ACADM: variants seen among roughly 807,000 people sequenced by gnomAD.
The protein encoded by ACADM is medium-chain specific acyl-CoA dehydrogenase, mitochondrial.
Under a neutral mutation model 58.9 loss-of-function variants are expected in ACADM, and 49 were observed. That is an observed-to-expected ratio of 0.83 (90% confidence interval 0.66 to 1.06). The LOEUF (loss-of-function observed/expected upper bound fraction) is 1.06, where lower values mean the gene tolerates loss of function less well. ACADM is among the 50% of genes least tolerant of loss of function. The pLI, the probability that ACADM is intolerant of heterozygous loss-of-function variation, is 0.00. For missense variants in ACADM, 496 were observed against 507.0 expected, an observed-to-expected ratio of 0.98 and a Z score of 0.21; for synonymous variants, 160 against 157.7, an observed-to-expected ratio of 1.01 and a Z score of -0.11.
chr1:75,726,960 A>G (rs540292857), intron 1 of ACADM, among the ~76,000 whole-genome samples: 13 of 151,976 alleles, frequency 8.6e-5, no homozygotes, highest in African/African-American at 3.1e-4. Flanking sequence ...GCGTGCCACC[A>G]CACCTGGCTA....
chr1:75,754,445 T>G (rs1648384595), intron 10 of ACADM, among the ~76,000 whole-genome samples: 1 of 152,082 alleles, frequency 6.6e-6, no homozygotes, highest in Non-Finnish European at 1.5e-5. Flanking sequence ...CTCCTGACCT[T>G]GTGATCCACC....
chr1:75,738,557 T>C (rs1203554834), intron 6 of ACADM, among the ~76,000 whole-genome samples: 2 of 152,102 alleles, frequency 1.3e-5, no homozygotes, highest in Non-Finnish European at 2.9e-5. Flanking sequence ...TGCCCCTATA[T>C]ATGCTTACTA....
chr1:75,743,892 C>T (rs1387224266), intron 7 of ACADM: 2 of 1,437,680 alleles, frequency 1.4e-6, no homozygotes, highest in Non-Finnish European at 2.0e-6. Context: ...TTACAACAGG[C>T]TGTTCCTGCA....
Position 75,761,281 on chromosome 1 carries a change from G to A in ACADM, c.1105G>A (p.Ala369Thr). 1 of 1,613,734 alleles carries A rather than the reference G, an allele frequency of 6.2e-7. No individual in the cohort carries two copies. The highest frequency in any genetic ancestry group is 8.5e-7 in the Non-Finnish European group (1 of 1,179,628). Residue 369 changes from alanine (A) to threonine (T), a missense_variant, in exon 11 of 12, where the codon GCT becomes ACT. Physicochemically the swap from Ala to Thr is moderately conservative, Grantham distance 58. Coordinates refer to ENST00000370841, the MANE Select transcript of ACADM (RefSeq NM_000016.6). ...TGCTGGAGATATTGCAAATCAGTTAGCTACTGATGCTGTGCAGATACTTGG... is the reference window on the plus strand; with the variant it reads ...TGCTGGAGATATTGCAAATCAGTTAACTACTGATGCTGTGCAGATACTTGG... Reference protein sequence around the residue: ...AFAGDIANQLATDAVQILGGN... With the variant: ...AFAGDIANQLTTDAVQILGGN...
chr1:75,746,996 A>G (rs1254393066), intron 8 of ACADM, among the ~76,000 whole-genome samples: 1 of 152,252 alleles, frequency 6.6e-6, no homozygotes, highest in Admixed American at 6.5e-5. Flanking sequence ...TATATTTTCA[A>G]TCAGATATTA....
intron 10 of ACADM, among the ~76,000 whole-genome samples, chr1:75,759,388 C>T (rs1648694889): frequency 6.6e-6 from 1 of 152,212 alleles, no homozygotes; most frequent in Non-Finnish European, 1.5e-5. Context: ...CCACGCTGAA[C>T]CTAGCAGACA....
In ACADM at chr1:75,743,369, C is replaced by T. The variant is rs1035558756; in HGVS notation, c.600-2437C>T. The T allele has an allele frequency of 3.8e-6, 6 of 1,584,162 alleles. No individual in the cohort carries two copies. The African/African-American group carries it at 8.1e-5, about 21-fold the overall frequency. ...GACCCATGAGGGGACAGGGAGAAGA[C>T]TGGTTTTCAGTTCCTGCATGATCAA... On this transcript the variant is annotated intron_variant, in intron 7 of 11. Coordinates refer to ENST00000370841, the MANE Select transcript of ACADM (RefSeq NM_000016.6).
At chr1:75,748,269 C>A (rs1263049265) in intron 8 of ACADM, among the ~76,000 whole-genome samples, 2 of 152,122 alleles carry the variant, frequency 1.3e-5, no homozygotes, top group African/African-American at 2.4e-5. Flanking sequence ...TAAGTACTTA[C>A]ATGCCTGTTA....
chr1:75,738,254 C>T (rs892374033), intron 6 of ACADM, among the ~76,000 whole-genome samples: 1 of 151,510 alleles, frequency 6.6e-6, no homozygotes, highest in South Asian at 2.1e-4. Flanking sequence ...AATGGAGTCT[C>T]GCTCTGTTGC....
At chr1:75,740,881 C>A (rs1310018860) in intron 7 of ACADM, among the ~76,000 whole-genome samples, 3 of 152,040 alleles carry the variant, frequency 2.0e-5, no homozygotes, top group Admixed American at 6.5e-5. Context: ...TAGGAGGAGC[C>A]TACAAAACAT....
chr1:75,759,656 C>CTTTTTTTTTTTTTT (rs34394777), intron 10 of ACADM, among the ~76,000 whole-genome samples: 1 of 87,582 alleles, frequency 1.1e-5, no homozygotes, highest in Non-Finnish European at 2.2e-5. Context: ...TAGCAACTTT[C>CTTTTTTTTTTTTTT]TTTTTTTTTT....
At chr1:75,744,137 C>T (rs1647747528) in intron 7 of ACADM, 1 of 1,578,078 alleles carries the variant, frequency 6.3e-7, no homozygotes, top group Non-Finnish European at 8.7e-7. Flanking sequence ...TTTGCCAGCT[C>T]CTGGCTCAGC....
At chr1:75,728,774 T>A (rs1038890571) in intron 2 of ACADM, among the ~76,000 whole-genome samples, 3 of 152,224 alleles carry the variant, frequency 2.0e-5, no homozygotes, top group Non-Finnish European at 4.4e-5. Flanking sequence ...TTTACTGATA[T>A]ATATGAATAG....
chr1:75,726,486 A>T (rs532705674), intron 1 of ACADM, among the ~76,000 whole-genome samples: 1 of 152,288 alleles, frequency 6.6e-6, no homozygotes, highest in African/African-American at 2.4e-5. Context: ...TTTTTGTGGA[A>T]TGTTTTCCTT....
chr1:75,745,251 C>T (rs926576792), intron 7 of ACADM, among the ~76,000 whole-genome samples: 1 of 152,052 alleles, frequency 6.6e-6, no homozygotes, highest in African/African-American at 2.4e-5. Context: ...CTTTAGAAGG[C>T]CCACGTGGGA....
intron 10 of ACADM, among the ~76,000 whole-genome samples, chr1:75,754,673 C>G (rs568578018): frequency 6.6e-6 from 1 of 152,344 alleles, no homozygotes; most frequent in African/African-American, 2.4e-5. Context: ...AGGAACAACT[C>G]CAGTCTACAG....
intron 2 of ACADM, among the ~76,000 whole-genome samples, chr1:75,731,793 G>A (rs1427262871): frequency 2.6e-5 from 4 of 151,238 alleles, no homozygotes; most frequent in African/African-American, 4.9e-5. Flanking sequence ...AGGAGACCAC[G>A]GCAGGAGGAT....
chr1:75,737,951 C>G (rs140264926), intron 6 of ACADM, among the ~76,000 whole-genome samples: 3,333 of 152,300 alleles, frequency 0.022, 119 homozygotes, highest in African/African-American at 0.068. Flanking sequence ...GAGTCTCGCT[C>G]TGTTGCCCAG....
intron 7 of ACADM, among the ~76,000 whole-genome samples, chr1:75,741,357 T>C (rs1279958141): frequency 1.3e-5 from 2 of 152,228 alleles, no homozygotes; most frequent in Non-Finnish European, 2.9e-5. Context: ...GCTATATCTT[T>C]ACCTTTAACC....
Sources: gnomAD v4.1 joint callset for allele counts (sites outside exome capture counted in the v4.1 genomes callset) on GRCh38, gnomAD v4.1.1 for gene constraint, MANE v1.5 for transcripts, NCBI Gene and HGNC (gene_info 2026-07-23, HGNC 2026-07-21) for gene names.